Variants in SRGAP1 observed in about 807,000 individuals in gnomAD.
SRGAP1 encodes the protein SLIT-ROBO Rho GTPase activating protein 1.
Under a neutral mutation model 121.9 loss-of-function variants are expected in SRGAP1, and 43 were observed. That is an observed-to-expected ratio of 0.35 (90% confidence interval 0.28 to 0.46). The LOEUF is 0.46. SRGAP1 is among the 20% of genes least tolerant of loss of function. The pLI, the probability that SRGAP1 is intolerant of heterozygous loss-of-function variation, is 1.00. For synonymous variants in SRGAP1, 447 were observed against 485.4 expected, an observed-to-expected ratio of 0.92 and a Z score of 1.04; for missense variants, 1,102 against 1,350.9, an observed-to-expected ratio of 0.82 and a Z score of 2.89.
intron 1 of SRGAP1, among the ~76,000 whole-genome samples, chr12:63,952,822 TATAA>T (rs1056351500): frequency 6.6e-6 from 1 of 152,136 alleles, no homozygotes; most frequent in African/African-American, 2.4e-5. Context: ...ATTTTTTATT[TATAA>T]ATAGAGACAG....
At position 63,876,924 on chromosome 12, in the gene SRGAP1, T is replaced by C. The variant is rs370428312; in HGVS notation, c.67+32041T>C. On this transcript the variant is annotated intron_variant, in intron 1 of 21. Transcript: ENST00000355086. ...TTCTCCTCTTAAAGCTGCAATAATA[T>C]TGAAGTTGAAAATGGTGGGCCAGGT... 1.1e-4 allele frequency among the ~76,000 whole-genome samples: 17 copies of C among 152,278 alleles called. 1 individual carries two copies. In the East Asian group the frequency reaches 2.1e-3, roughly 19 times the overall value.
chr12:63,889,236 C>T (rs113173510), intron 1 of SRGAP1, among the ~76,000 whole-genome samples: 1,615 of 152,226 alleles, frequency 0.011, 11 homozygotes, highest in Non-Finnish European at 0.018. Flanking sequence ...TATGGAAGGA[C>T]GAGTGAGTGA....
At chr12:63,897,051 CAG>C (rs1487854826) in intron 1 of SRGAP1, among the ~76,000 whole-genome samples, 2 of 152,170 alleles carry the variant, frequency 1.3e-5, no homozygotes, top group East Asian at 1.9e-4. Context: ...ATGACAACAA[CAG>C]GGGCAGATCT....
At chr12:64,092,111 T>A (rs1180289833) in intron 12 of SRGAP1, among the ~76,000 whole-genome samples, 1 of 152,196 alleles carries the variant, frequency 6.6e-6, no homozygotes, top group Admixed American at 6.5e-5. Context: ...AGAGGAAAAA[T>A]GGGCACATTA....
intron 1 of SRGAP1, among the ~76,000 whole-genome samples, chr12:63,861,192 T>A (rs1592891093): frequency 7.0e-6 from 1 of 143,352 alleles, no homozygotes; most frequent in African/African-American, 2.6e-5. Context: ...TTTTTTTTTT[T>A]AATAGAGACA....
intron 1 of SRGAP1, among the ~76,000 whole-genome samples, chr12:63,893,484 A>G (rs1419096839): frequency 6.6e-6 from 1 of 152,208 alleles, no homozygotes; most frequent in Non-Finnish European, 1.5e-5. Flanking sequence ...ATCTGATTTT[A>G]TAGTTTTAAG....
chr12:64,127,837 C>T (rs2036719987), intron 20 of SRGAP1, 24 bp from the exon 21 acceptor site: 1 of 1,600,908 alleles, frequency 6.2e-7, no homozygotes, highest in Non-Finnish European at 8.5e-7. Context: ...CTTCTGTTTT[C>T]TCCCTGTTTC....
At chr12:64,024,812 G>A (rs1414520606) in intron 4 of SRGAP1, among the ~76,000 whole-genome samples, 1 of 152,098 alleles carries the variant, frequency 6.6e-6, no homozygotes, top group Non-Finnish European at 1.5e-5. Flanking sequence ...CCAAGTGAAG[G>A]GGCAGCCCTT....
At chr12:63,890,810 T>G (rs566414477) in intron 1 of SRGAP1, among the ~76,000 whole-genome samples, 65 of 152,334 alleles carry the variant, frequency 4.3e-4, no homozygotes, top group Non-Finnish European at 8.5e-4. Context: ...CCTTTTGCAC[T>G]GGGCCCTGTG....
intron 1 of SRGAP1, among the ~76,000 whole-genome samples, chr12:63,845,527 C>T (rs1196430742): frequency 6.6e-6 from 1 of 152,158 alleles, no homozygotes; most frequent in East Asian, 1.9e-4. Context: ...ATTGCTTTAT[C>T]ATTTTCTGGA....
At chr12:64,053,464 T>G (rs983616843) in intron 6 of SRGAP1, among the ~76,000 whole-genome samples, 1 of 152,222 alleles carries the variant, frequency 6.6e-6, no homozygotes, top group Non-Finnish European at 1.5e-5. Context: ...TTAAGAGTGC[T>G]TCTCCTCTGT....
chr12:64,032,488 GT>G, intron 4 of SRGAP1: 1 of 1,089,232 alleles, frequency 9.2e-7, no homozygotes, highest in Non-Finnish European at 1.4e-6. Context: ...AAGAGAACTG[GT>G]TTATCCAGCA....
At chr12:64,007,412 A>G (rs1393140894) in intron 3 of SRGAP1, among the ~76,000 whole-genome samples, 3 of 152,132 alleles carry the variant, frequency 2.0e-5, no homozygotes, top group Admixed American at 1.3e-4. Flanking sequence ...ATGAGAATCT[A>G]ATGCTGCGGC....
At position 64,097,339 on chromosome 12, in the gene SRGAP1, C is replaced by T; in HGVS notation, c.1777C>T (p.Pro593Ser). The T allele has an allele frequency of 1.2e-6, 2 of 1,612,984 alleles. No individual in the cohort carries two copies. Among genetic ancestry groups the T allele is most frequent in the Non-Finnish European group, 1.7e-6 (2 of 1,179,824 alleles). ...YFRGLENPLF[P>S]KERFNDLISC... Reference sequence around the variant, plus strand: ...CCGTGGGCTGGAAAACCCCCTCTTTCCTAAGGAAAGATTTAACGATCTGAT... The same window carrying T: ...CCGTGGGCTGGAAAACCCCCTCTTTTCTAAGGAAAGATTTAACGATCTGAT... The change falls in exon 15 of 22, where the codon CCT (proline) becomes TCT (serine). Residue 593 changes from proline to serine, a missense_variant. By Grantham distance (74) the Pro-to-Ser change is moderately conservative. Around this residue, in one of 3 missense-constraint regions of SRGAP1, gnomAD observed 747 missense variants for 929.4 expected, o/e 0.80. Coordinates refer to ENST00000355086, the MANE Select transcript of SRGAP1 (RefSeq NM_020762.4).
intron 1 of SRGAP1, among the ~76,000 whole-genome samples, chr12:63,871,232 C>G (rs1174399413): frequency 6.6e-6 from 1 of 152,212 alleles, no homozygotes; most frequent in Non-Finnish European, 1.5e-5. Context: ...GACATCAAAT[C>G]ATGGCTATTT....
intron 1 of SRGAP1, among the ~76,000 whole-genome samples, chr12:63,918,380 G>C (rs2030887908): frequency 6.6e-6 from 1 of 152,160 alleles, no homozygotes; most frequent in South Asian, 2.1e-4. Flanking sequence ...GGAAGTGTCT[G>C]ACTTCAGGGT....
At chr12:63,943,133 TC>T (rs1419130170) in intron 1 of SRGAP1, among the ~76,000 whole-genome samples, 1 of 152,182 alleles carries the variant, frequency 6.6e-6, no homozygotes, top group Non-Finnish European at 1.5e-5. Flanking sequence ...TATTTTTTTT[TC>T]TTAGTACATA....
intron 1 of SRGAP1, among the ~76,000 whole-genome samples, chr12:63,922,272 C>T (rs1200039192): frequency 6.6e-6 from 1 of 152,146 alleles, no homozygotes; most frequent in African/African-American, 2.4e-5. Flanking sequence ...AGCTACTGCA[C>T]CTGGCCCAAG....
intron 6 of SRGAP1, among the ~76,000 whole-genome samples, chr12:64,044,508 G>A (rs904393231): frequency 2.4e-4 from 37 of 152,016 alleles, no homozygotes; most frequent in Non-Finnish European, 4.0e-4. Flanking sequence ...CATAGTAGCC[G>A]TCATAATTTA....
Sources: gnomAD v4.1 joint callset for allele counts (sites outside exome capture counted in the v4.1 genomes callset) on GRCh38, gnomAD v4.1.1 for gene constraint, gnomAD v4.1.1 regional missense constraint, MANE v1.5 for transcripts, NCBI Gene and HGNC (gene_info 2026-07-23, HGNC 2026-07-21) for gene names.